The following TSPAN5 variants were observed in gnomAD, a reference collection of about 807,000 sequenced individuals.
The protein encoded by TSPAN5 is tetraspanin 5, also known as tetraspanin-5.
In TSPAN5, 10 loss-of-function variants were observed where a neutral mutation model predicts 37.1. That is an observed-to-expected ratio of 0.27 (90% CI 0.17 to 0.46). TSPAN5 has a LOEUF of 0.46. Ranked by LOEUF, TSPAN5 falls within the 20% of genes least tolerant of loss-of-function variation. TSPAN5 has a pLI of 1.00. For synonymous variants in TSPAN5, 110 were observed against 118.9 expected (o/e 0.93, Z 0.48); for missense variants, 195 against 326.6 (o/e 0.60, Z 3.11).
chr4:98,545,633 G>A (rs6532743), intron 1 of TSPAN5, among the ~76,000 whole-genome samples: 7,843 of 152,008 alleles, frequency 0.052, 476 homozygotes, highest in Admixed American at 0.13. Flanking sequence ...GGGCTCAGGT[G>A]ATCCTCCCAC....
At chr4:98,650,952 G>T (rs909530739) in intron 1 of TSPAN5, among the ~76,000 whole-genome samples, 18 of 152,178 alleles carry the variant, frequency 1.2e-4, no homozygotes, top group Non-Finnish European at 2.4e-4. Flanking sequence ...CTGAAAAAAG[G>T]AAGACACTAA....
intron 1 of TSPAN5, among the ~76,000 whole-genome samples, chr4:98,564,976 C>G (rs924378489): frequency 4.6e-5 from 7 of 152,158 alleles, no homozygotes; most frequent in African/African-American, 1.7e-4. Flanking sequence ...TGTCCTCACC[C>G]TGAGTGTTAA....
chr4:98,483,557 A>G (rs1752894327), intron 3 of TSPAN5: 1 of 152,214 alleles, frequency 6.6e-6, no homozygotes, highest in African/African-American at 2.4e-5. Context: ...GGGAGTGGGT[A>G]TCTGCAGACA....
intron 2 of TSPAN5, among the ~76,000 whole-genome samples, chr4:98,505,530 C>T (rs946793676): frequency 9.2e-5 from 14 of 152,230 alleles, no homozygotes; most frequent in Admixed American, 9.2e-4. Flanking sequence ...CATGCCACCT[C>T]CTTAGAGAGG....
intron 1 of TSPAN5, among the ~76,000 whole-genome samples, chr4:98,533,957 AAAAAAC>A (rs1401653677): frequency 5.9e-4 from 86 of 145,500 alleles, no homozygotes; most frequent in Non-Finnish European, 1.2e-3. Flanking sequence ...AAAAAAAAAA[AAAAAAC>A]CAGCTCCTGG....
chr4:98,475,305 T>A (rs928800585), intron 7 of TSPAN5, among the ~76,000 whole-genome samples: 3 of 152,212 alleles, frequency 2.0e-5, no homozygotes, highest in African/African-American at 7.2e-5. Flanking sequence ...ACACAGGATA[T>A]CTTTATATTT....
intron 1 of TSPAN5, among the ~76,000 whole-genome samples, chr4:98,646,326 G>A (rs115012015): frequency 0.016 from 2,475 of 152,026 alleles, 80 homozygotes; most frequent in African/African-American, 0.056. Context: ...CTGAAATAGA[G>A]GAAAAAAATG....
At chr4:98,563,920 C>T (rs1449086458) in intron 1 of TSPAN5, among the ~76,000 whole-genome samples, 2 of 152,022 alleles carry the variant, frequency 1.3e-5, no homozygotes, top group Admixed American at 6.6e-5. Flanking sequence ...CAAGACAGTC[C>T]CCACCACAAA....
chr4:98,609,470 C>G (rs1756128415), intron 1 of TSPAN5, among the ~76,000 whole-genome samples: 1 of 152,110 alleles, frequency 6.6e-6, no homozygotes, highest in South Asian at 2.1e-4. Context: ...TCACCCAAGT[C>G]AGGTGTGTAC....
intron 1 of TSPAN5, among the ~76,000 whole-genome samples, chr4:98,608,151 G>T (rs1377413909): frequency 6.6e-6 from 1 of 152,194 alleles, no homozygotes; most frequent in South Asian, 2.1e-4. Context: ...AACGAACAAA[G>T]TATCTGTTTG....
At chr4:98,546,632 A>G (rs993471938) in intron 1 of TSPAN5, among the ~76,000 whole-genome samples, 4 of 152,210 alleles carry the variant, frequency 2.6e-5, no homozygotes, top group Non-Finnish European at 4.4e-5. Flanking sequence ...AATGTAGAGC[A>G]GAAAGTTGTG....
chr4:98,539,166 C>T (rs1754303341), intron 1 of TSPAN5, among the ~76,000 whole-genome samples: 1 of 151,446 alleles, frequency 6.6e-6, no homozygotes, highest in Admixed American at 6.6e-5. Context: ...ACCAAAAAAC[C>T]TTTTATGTTA....
At chr4:98,531,054 A>G (rs2110128547) in intron 1 of TSPAN5, among the ~76,000 whole-genome samples, 1 of 152,188 alleles carries the variant, frequency 6.6e-6, no homozygotes, top group Admixed American at 6.5e-5. Context: ...TTACAGGCAC[A>G]CTTCTCTATT....
intron 1 of TSPAN5, among the ~76,000 whole-genome samples, chr4:98,608,448 T>C (rs977199121): frequency 1.1e-4 from 16 of 151,698 alleles, no homozygotes; most frequent in African/African-American, 3.9e-4. Context: ...TCACATGGAG[T>C]CCCTTCTGAG....
rs58062106 is a variant in TSPAN5 at position 98,550,607 on chromosome 4, G to GT, written c.82-42880dup. 5.3e-3 allele frequency among the ~76,000 whole-genome samples: 741 copies of GT among 139,096 alleles called. 2 individuals carry two copies. The highest frequency in any genetic ancestry group is 8.2e-3 in the Non-Finnish European group (531 of 64,380). The allele number at this position is 139,096 out of a possible 152,430, so 91.3% of individuals were successfully genotyped here. The stretch of plus-strand genomic sequence containing the variant: ...CTTGTTTAAATATATTCCCAGCTGG[G>GT]TTTTTTTTTTTTTTTTTCTGGTAGC... On this transcript the variant is annotated intron_variant, in intron 1 of 7. Coordinates refer to ENST00000305798, the MANE Select transcript of TSPAN5 (RefSeq NM_005723.4).
At chr4:98,518,089 CT>C (rs1753774045) in intron 1 of TSPAN5, among the ~76,000 whole-genome samples, 1 of 146,616 alleles carries the variant, frequency 6.8e-6, no homozygotes, top group Non-Finnish European at 1.5e-5. Flanking sequence ...GTTGAAACAT[CT>C]TGACTTTTTT....
At chr4:98,481,737 A>G (rs1560506523) in intron 4 of TSPAN5, among the ~76,000 whole-genome samples, 1 of 152,262 alleles carries the variant, frequency 6.6e-6, no homozygotes, top group Non-Finnish European at 1.5e-5. Flanking sequence ...AAGGACAGCC[A>G]TGATTATAAC....
chr4:98,573,455 C>T (rs926989788), intron 1 of TSPAN5, among the ~76,000 whole-genome samples: 1 of 152,178 alleles, frequency 6.6e-6, no homozygotes, highest in Non-Finnish European at 1.5e-5. Context: ...AGGCTGGTCT[C>T]GAACTCCTGC....
Position 98,543,007 on chromosome 4 carries a change from A to G in TSPAN5, c.82-35279T>C, listed in dbSNP as rs368284300. On this transcript the variant is annotated intron_variant, in intron 1 of 7. Transcript: ENST00000305798. Reference sequence around the variant, plus strand: ...GGGCCTATCTCAAAACATTCCTAGTACTCAAAATATTACAGCAAGTGACAT... The same window carrying G: ...GGGCCTATCTCAAAACATTCCTAGTGCTCAAAATATTACAGCAAGTGACAT... 9.5e-4 allele frequency among the ~76,000 whole-genome samples: 144 copies of G among 152,282 alleles called. 2 individuals are homozygous for G. Among genetic ancestry groups the G allele is most frequent in the African/African-American group, 3.2e-3 (135 of 41,556 alleles).
Sources: allele counts gnomAD v4.1 joint callset (sites outside exome capture counted in the v4.1 genomes callset), GRCh38; gene constraint gnomAD v4.1.1; transcripts MANE v1.5; gene names NCBI Gene and HGNC (gene_info 2026-07-23, HGNC 2026-07-21).